Variants in FBN3 observed in about 807,000 individuals in gnomAD.
FBN3 encodes the protein fibrillin 3.
A neutral mutation model predicts 330.1 loss-of-function variants in FBN3; 234 were observed. That is an observed-to-expected ratio of 0.71 (90% confidence interval 0.64 to 0.79). The LOEUF is 0.79. Ranked by LOEUF, FBN3 falls within the 30% of genes least tolerant of loss-of-function variation. FBN3 has a pLI of 0.00. For missense variants in FBN3, 3,606 were observed against 3,886.9 expected (o/e 0.93, Z 1.92); for synonymous variants, 1,458 against 1,517.3 (o/e 0.96, Z 0.91).
chr19:8,118,298 A>C (rs914256414), intron 26 of FBN3, among the ~76,000 whole-genome samples: 2 of 151,736 alleles, frequency 1.3e-5, no homozygotes, highest in Non-Finnish European at 2.9e-5. Flanking sequence ...GTACAAACAC[A>C]CCCACTCAGA....
Position 8,109,150 on chromosome 19 carries a change from T to G in FBN3, c.4618+77A>C. 2 of 1,413,820 alleles carry G rather than the reference T, an allele frequency of 1.4e-6. No individual in the cohort carries two copies. Among genetic ancestry groups the G allele is most frequent in the Non-Finnish European group, 1.9e-6 (2 of 1,030,666 alleles). 87.6% of individuals were successfully genotyped at this position (1,413,820 alleles called of 1,614,324 possible). A position where few individuals can be genotyped will look rare whatever the true frequency, so the allele number is the denominator to read the frequency against. On this transcript the variant is annotated intron_variant, in intron 36 of 63. Transcript: ENST00000600128. This position sits in a 1 kb window ranked among gnomAD's most constrained non-coding sequence, Gnocchi z 5.2. ...TCGCCTAAGCCCCCCACCACCGCCA[T>G]TAGCAGAGGTGACCCCCTAAGCTCC... is the stretch of plus-strand genomic sequence containing the variant.
At chr19:8,104,914 C>A (rs2144782397) in intron 38 of FBN3, among the ~76,000 whole-genome samples, 1 of 147,640 alleles carries the variant, frequency 6.8e-6, no homozygotes, top group African/African-American at 2.5e-5. Flanking sequence ...TCTTCTCTTT[C>A]TTTCTTTCTT....
intron 25 of FBN3, 43 bp from the exon 26 acceptor site, chr19:8,119,065 G>A (rs2082777317): frequency 6.4e-7 from 1 of 1,566,078 alleles, no homozygotes; most frequent in Admixed American, 1.7e-5. Flanking sequence ...TGAAGGTGCT[G>A]ATGCAGGGAG....
chr19:8,142,022 G>A lies in FBN3; in HGVS notation c.657C>T (p.Gly219=). ...GTGCAGGGCAAAGTTCACATGGAAG[G>A]CCCCAGGCACGGCCCACAGTGGCAC... ...LCCATVGRAW[G]LPCELCPAQP... Residue 219 remains glycine (G), a synonymous_variant, in exon 7 of 64, where the codon GGC becomes GGT. Transcript: ENST00000600128. 1 of 1,614,130 alleles carries A rather than the reference G, an allele frequency of 6.2e-7. No individual in the cohort carries two copies. Among genetic ancestry groups the A allele is most frequent in the Non-Finnish European group, 8.5e-7 (1 of 1,179,996 alleles).
intron 41 of FBN3, among the ~76,000 whole-genome samples, chr19:8,100,590 G>C (rs149624775): frequency 0.014 from 2,121 of 152,180 alleles, 26 homozygotes; most frequent in Non-Finnish European, 0.022. Flanking sequence ...CACCCACCTC[G>C]GCCTCCCAAA....
In FBN3 at chr19:8,086,190, C is replaced by T; in HGVS notation, c.6880+10G>A. On this transcript the variant is annotated intron_variant, in intron 55 of 63. Coordinates refer to ENST00000600128, the MANE Select transcript of FBN3 (RefSeq NM_032447.5). ...GGTTGCAACCACTGTGCGTGTCCAG[C>T]CACACTCACCGTGGCACTCGGTAAG... 2 of 1,554,126 alleles carry T rather than the reference C, an allele frequency of 1.3e-6. No homozygotes were observed. Among genetic ancestry groups the T allele is most frequent in the African/African-American group, 1.4e-5 (1 of 72,342 alleles).
Position 8,081,525 on chromosome 19 carries a change from T to C in FBN3, c.7214-45A>G, listed in dbSNP as rs775796282. 8 of 1,552,384 alleles carry C rather than the reference T, an allele frequency of 5.2e-6. No homozygotes were observed. The African/African-American group carries it at 8.2e-5, about 16-fold the overall frequency. On this transcript the variant is annotated intron_variant, in intron 57 of 63. Transcript: ENST00000600128. Reference sequence around the variant, plus strand: ...GTAGTGGGGCGGGGTTAGACAGACATTCCCTGGGGGTGTTCAGGGACTGAG... The same window carrying C: ...GTAGTGGGGCGGGGTTAGACAGACACTCCCTGGGGGTGTTCAGGGACTGAG...
At chr19:8,120,797 G>T (rs1008209322) in intron 25 of FBN3, among the ~76,000 whole-genome samples, 2 of 152,196 alleles carry the variant, frequency 1.3e-5, no homozygotes, top group African/African-American at 4.8e-5. Flanking sequence ...TTTCCTCAGC[G>T]ATTCATGTTA....
rs4804262 is a variant in FBN3 at position 8,090,673 on chromosome 19, G to A, written c.6032-422C>T. Among the ~76,000 whole-genome samples, 37 of 151,854 alleles carry A rather than the reference G, an allele frequency of 2.4e-4. No homozygotes were observed. In the East Asian group the frequency reaches 2.5e-3, roughly 10 times the overall value. On this transcript the variant is annotated intron_variant, in intron 48 of 63. Coordinates refer to ENST00000600128, the MANE Select transcript of FBN3 (RefSeq NM_032447.5). ...TAATTTTTGTATTTTTAGTAGAGAC[G>A]GGGTTTCACCACATTGGCTAGGCTG...
At chr19:8,069,361 A>G (rs2081462627) in intron 63 of FBN3, among the ~76,000 whole-genome samples, 1 of 152,168 alleles carries the variant, frequency 6.6e-6, no homozygotes, top group Admixed American at 6.6e-5. Flanking sequence ...CCAACCCCAC[A>G]GAAAGTCATC....
In FBN3 at chr19:8,085,559, CT is replaced by C. The variant is rs763770120; in HGVS notation, c.6890del (p.Gln2297ArgfsTer68). On this transcript the variant is annotated frameshift_variant, in exon 56 of 64. Transcript: ENST00000600128. LOFTEE classifies it high-confidence loss of function. ...PTLTECHDIR[Q>X]GPCFAEVLQT... ...GCAGCACCTCGGCAAAGCAGGGCCC[CT>C]GCCGGATGTCTGCAGAGAACAATGG... 6.4e-7 allele frequency: 1 copy of C among 1,569,364 alleles called. No homozygotes were observed. The highest frequency in any genetic ancestry group is 1.3e-5 in the African/African-American group (1 of 74,122).
intron 13 of FBN3, 25 bp downstream of exon 13, chr19:8,135,936 G>GGGGGGGGGGCCCCCCC: frequency 4.5e-6 from 3 of 668,768 alleles, no homozygotes; most frequent in Non-Finnish European, 7.2e-6. Flanking sequence ...GGAAGCCCCT[G>GGGGGGGGGGCCCCCCC]CCCACCCGCC....
At chr19:8,067,555 G>A (rs1438388574) in intron 63 of FBN3, among the ~76,000 whole-genome samples, 1 of 151,772 alleles carries the variant, frequency 6.6e-6, no homozygotes, top group East Asian at 2.0e-4. Context: ...GAGGTCCCAG[G>A]AGTTCGAAGC....
intron 59 of FBN3, among the ~76,000 whole-genome samples, chr19:8,078,341 C>A (rs1330633769): frequency 1.3e-5 from 2 of 152,184 alleles, no homozygotes; most frequent in Non-Finnish European, 2.9e-5. Context: ...AGAGTCCAAT[C>A]GTGGCGACAG....
intron 24 of FBN3, among the ~76,000 whole-genome samples, chr19:8,122,559 G>T (rs1405540137): frequency 6.6e-6 from 1 of 151,692 alleles, no homozygotes; most frequent in Admixed American, 6.6e-5. Flanking sequence ...TAGAGACGGG[G>T]TATTGCCATG....
chr19:8,147,226 G>C, intron 2 of FBN3, 40 bp from the exon 3 acceptor site: 5 of 1,557,318 alleles, frequency 3.2e-6, no homozygotes, highest in Non-Finnish European at 3.5e-6. Flanking sequence ...GCCCCTGCCC[G>C]TGTGGACATC....
At chr19:8,110,999 CAG>C in intron 33 of FBN3, 32 bp from the exon 34 acceptor site, 1 of 1,614,154 alleles carries the variant, frequency 6.2e-7, no homozygotes. Context: ...CTGCCCCACC[CAG>C]AGTCTGCAGG....
chr19:8,104,655 T>G (rs73922222), intron 38 of FBN3, among the ~76,000 whole-genome samples: 1,977 of 152,150 alleles, frequency 0.013, 45 homozygotes, highest in African/African-American at 0.045. Flanking sequence ...GGAAAAAAAT[T>G]GATTCTCAAT....
At chr19:8,086,620 C>CT (rs1346953086) in intron 54 of FBN3, among the ~76,000 whole-genome samples, 1 of 61,220 alleles carries the variant, frequency 1.6e-5, no homozygotes, top group Non-Finnish European at 3.2e-5. Context: ...CCACGCCCAG[C>CT]TATTTTTTTT....
Sources: allele counts gnomAD v4.1 joint callset (sites outside exome capture counted in the v4.1 genomes callset), GRCh38; gene constraint gnomAD v4.1.1; non-coding constraint Gnocchi (gnomAD v3.1); transcripts MANE v1.5; gene names NCBI Gene and HGNC (gene_info 2026-07-23, HGNC 2026-07-21).